Variants in CTNNA2 observed in about 807,000 individuals in gnomAD.
CTNNA2 encodes catenin alpha-2.
A neutral mutation model predicts 101.0 loss-of-function variants in CTNNA2; 42 were observed. That is an observed-to-expected ratio of 0.42 (90% confidence interval 0.32 to 0.54). The LOEUF (loss-of-function observed/expected upper bound fraction) is 0.54, where lower values mean the gene tolerates loss of function less well. CTNNA2 is among the 20% of genes least tolerant of loss of function. The pLI, the probability that CTNNA2 is intolerant of heterozygous loss-of-function variation, is 0.14. For synonymous variants in CTNNA2, 450 were observed against 456.4 expected (o/e 0.99, Z 0.18); for missense variants, 871 against 1,223.1 (o/e 0.71, Z 4.29).
At chr2:79,789,280 A>G (rs969840632) in intron 3 of CTNNA2, among the ~76,000 whole-genome samples, 10 of 152,148 alleles carry the variant, frequency 6.6e-5, no homozygotes, top group African/African-American at 2.4e-4. Flanking sequence ...CAAAAGAAGA[A>G]TAACATTGGA....
intron 9 of CTNNA2, among the ~76,000 whole-genome samples, chr2:80,443,973 G>A (rs1682842633): frequency 6.6e-6 from 1 of 152,100 alleles, no homozygotes; most frequent in Non-Finnish European, 1.5e-5. Flanking sequence ...ACATGAATAG[G>A]TTAAAATCAT....
chr2:80,136,706 A>G (rs544907083), intron 7 of CTNNA2, among the ~76,000 whole-genome samples: 21 of 152,268 alleles, frequency 1.4e-4, no homozygotes, highest in Middle Eastern at 3.4e-3. Context: ...AAGCAGGGCC[A>G]TTGATCTTTA....
At position 80,546,479 on chromosome 2, in the gene CTNNA2, T is replaced by G. The variant is rs193003987; in HGVS notation, c.1540+416T>G. ...TAAGTTTTGTTTTGTTTTGTTTTTTTTCCAACAAGTGAAGGTTTGTGATAA... is the reference window on the plus strand; with the variant it reads ...TAAGTTTTGTTTTGTTTTGTTTTTTGTCCAACAAGTGAAGGTTTGTGATAA... On this transcript the variant is annotated intron_variant, in intron 11 of 18. Coordinates refer to ENST00000402739, the MANE Select transcript of CTNNA2 (RefSeq NM_001282597.3). 5.2e-3 allele frequency among the ~76,000 whole-genome samples: 791 copies of G among 152,310 alleles called. 2 individuals are homozygous for G. The highest frequency in any genetic ancestry group is 8.1e-3 in the Non-Finnish European group (549 of 68,022).
intron 18 of CTNNA2, among the ~76,000 whole-genome samples, chr2:80,645,165 A>T (rs1180629929): frequency 1.3e-5 from 2 of 152,146 alleles, no homozygotes; most frequent in Admixed American, 1.3e-4. Flanking sequence ...ATTTACTCAT[A>T]GCATGCGATA....
At chr2:79,993,891 G>A (rs1692356199) in intron 7 of CTNNA2, among the ~76,000 whole-genome samples, 1 of 151,984 alleles carries the variant, frequency 6.6e-6, no homozygotes, top group Non-Finnish European at 1.5e-5. Context: ...GTTTTGTTTT[G>A]TTTTTTGTTT....
chr2:80,025,143 T>C (rs1294206232), intron 7 of CTNNA2, among the ~76,000 whole-genome samples: 1 of 152,198 alleles, frequency 6.6e-6, no homozygotes, highest in Non-Finnish European at 1.5e-5. Context: ...CACTTTGCCC[T>C]TCTGCCAGTG....
chr2:80,552,529 G>A (rs959587732), intron 11 of CTNNA2, among the ~76,000 whole-genome samples: 6 of 152,192 alleles, frequency 3.9e-5, no homozygotes, highest in African/African-American at 9.7e-5. Flanking sequence ...ATTGGAGAAG[G>A]TTGAAAAACA....
At chr2:80,112,668 T>C (rs1474189928) in intron 7 of CTNNA2, among the ~76,000 whole-genome samples, 1 of 152,192 alleles carries the variant, frequency 6.6e-6, no homozygotes, top group Non-Finnish European at 1.5e-5. Context: ...TGTTAGAAGT[T>C]GTTATATTTG....
chr2:79,766,512 C>G (rs1359378526), intron 3 of CTNNA2, among the ~76,000 whole-genome samples: 1 of 152,082 alleles, frequency 6.6e-6, no homozygotes, highest in South Asian at 2.1e-4. Flanking sequence ...AGGTAGTTTT[C>G]TTTGGGTTAA....
chr2:79,895,692 ATTTT>A (rs70940058), intron 6 of CTNNA2, among the ~76,000 whole-genome samples: 1 of 140,600 alleles, frequency 7.1e-6, no homozygotes, highest in Non-Finnish European at 1.5e-5. Flanking sequence ...AAATTTCTTA[ATTTT>A]TTTTTTTTTT....
chr2:80,198,476 C>T (rs1558894792), intron 7 of CTNNA2, among the ~76,000 whole-genome samples: 1 of 152,122 alleles, frequency 6.6e-6, no homozygotes, highest in Non-Finnish European at 1.5e-5. Context: ...GGGATTGTGT[C>T]TTTGTTGGAT....
intron 7 of CTNNA2, among the ~76,000 whole-genome samples, chr2:80,352,817 A>G (rs1673430259): frequency 6.6e-6 from 1 of 152,078 alleles, no homozygotes; most frequent in African/African-American, 2.4e-5. Flanking sequence ...ATTCCATTTT[A>G]TGGAATACCA....
chr2:79,230,735 A>T (rs1043974342), intron 2 of CTNNA2, among the ~76,000 whole-genome samples: 8 of 152,158 alleles, frequency 5.3e-5, no homozygotes, highest in African/African-American at 1.7e-4. Context: ...TAGCCCATGA[A>T]AGCAGCCAAG....
At chr2:79,284,810 G>C (rs866312314) in intron 2 of CTNNA2, among the ~76,000 whole-genome samples, 2 of 147,890 alleles carry the variant, frequency 1.4e-5, no homozygotes, top group Middle Eastern at 3.5e-3. Context: ...TTTTTCTATT[G>C]ATTGGAATAG....
At chr2:80,296,293 T>C (rs1446260973) in intron 7 of CTNNA2, among the ~76,000 whole-genome samples, 10 of 152,190 alleles carry the variant, frequency 6.6e-5, no homozygotes, top group Non-Finnish European at 1.3e-4. Context: ...TTGGATTTGT[T>C]CAGACTGCAG....
chr2:80,594,088 C>T (rs1696739876), intron 15 of CTNNA2, among the ~76,000 whole-genome samples: 1 of 152,100 alleles, frequency 6.6e-6, no homozygotes, highest in Non-Finnish European at 1.5e-5. Context: ...ACATTCCCAC[C>T]AGCAATACAC....
intron 2 of CTNNA2, among the ~76,000 whole-genome samples, chr2:79,277,493 A>G (rs1675243614): frequency 6.6e-6 from 1 of 152,034 alleles, no homozygotes; most frequent in Admixed American, 6.6e-5. Flanking sequence ...AAGCATCCCA[A>G]AGCCTAAGGA....
At chr2:79,241,793 T>C (rs914097903) in intron 2 of CTNNA2, among the ~76,000 whole-genome samples, 3 of 152,200 alleles carry the variant, frequency 2.0e-5, no homozygotes, top group African/African-American at 7.2e-5. Context: ...GATTTTTACA[T>C]AGGGTGGAGA....
chr2:79,396,887 C>A (rs1257045831), intron 4 of CTNNA2, among the ~76,000 whole-genome samples: 1 of 152,114 alleles, frequency 6.6e-6, no homozygotes, highest in African/African-American at 2.4e-5. Flanking sequence ...CTGTGGATTA[C>A]CTCTGTAGAC....
Sources: gnomAD v4.1 joint callset for allele counts (sites outside exome capture counted in the v4.1 genomes callset) on GRCh38, gnomAD v4.1.1 for gene constraint, MANE v1.5 for transcripts, NCBI Gene and HGNC (gene_info 2026-07-23, HGNC 2026-07-21) for gene names.